Variants in TNIK observed in about 807,000 individuals in gnomAD.
TNIK encodes the protein TRAF2 and NCK-interacting protein kinase.
In TNIK, 49 loss-of-function variants were observed where a neutral mutation model predicts 191.3. The ratio of observed to expected loss-of-function variants is 0.26; its 90% CI spans 0.20 to 0.32. The LOEUF is 0.32. Ranked by LOEUF, TNIK falls within the 10% of genes least tolerant of loss-of-function variation. The probability of loss-of-function intolerance (pLI) is 1.00; values close to 1 mark genes in which losing one functional copy is unlikely to be tolerated. For missense variants in TNIK, 1,155 were observed against 1,702.3 expected (o/e 0.68, Z 5.66); for synonymous variants, 594 against 600.9 (o/e 0.99, Z 0.17).
chr3:171,359,027 G>A (rs753287331), intron 2 of TNIK, among the ~76,000 whole-genome samples: 1 of 152,178 alleles, frequency 6.6e-6, no homozygotes, highest in Non-Finnish European at 1.5e-5. Flanking sequence ...AAAAGTTCTG[G>A]AGATGGGTAG....
At chr3:171,215,949 T>C (rs1741407890) in intron 3 of TNIK, among the ~76,000 whole-genome samples, 2 of 152,142 alleles carry the variant, frequency 1.3e-5, no homozygotes, top group African/African-American at 4.8e-5. Flanking sequence ...GAGAGAAGTA[T>C]AAGGTGTATA....
intron 1 of TNIK, among the ~76,000 whole-genome samples, chr3:171,415,538 A>G (rs2108614630): frequency 6.6e-6 from 1 of 152,320 alleles, no homozygotes; most frequent in South Asian, 2.1e-4. Context: ...GAACAAAAAC[A>G]AATCTCACAA....
intron 1 of TNIK, among the ~76,000 whole-genome samples, chr3:171,377,979 C>T (rs772247712): frequency 1.3e-5 from 2 of 152,154 alleles, no homozygotes; most frequent in African/African-American, 2.4e-5. Context: ...CCTGGGGTTA[C>T]GGGGATGCTG....
Position 171,059,561 on chromosome 3 carries a change from A to G in TNIK, c.*4320T>C, listed in dbSNP as rs559699384. Among the ~76,000 whole-genome samples, 5 of 152,266 alleles carry G rather than the reference A, an allele frequency of 3.3e-5. No individual in the cohort carries two copies. In the South Asian group the frequency reaches 6.2e-4, roughly 19 times the overall value. On this transcript the variant is annotated 3_prime_UTR_variant, in exon 33 of 33. Coordinates refer to ENST00000436636, the MANE Select transcript of TNIK (RefSeq NM_015028.4). Reference sequence around the variant, plus strand: ...ACAAATTGTCAGTTTTGAACTTGCAAATTCTCAAGAGGTTTTCTTCTTTGC... The same window carrying G: ...ACAAATTGTCAGTTTTGAACTTGCAGATTCTCAAGAGGTTTTCTTCTTTGC...
At chr3:171,209,066 T>G (rs868293751) in intron 4 of TNIK, among the ~76,000 whole-genome samples, 3 of 139,824 alleles carry the variant, frequency 2.1e-5, no homozygotes, top group Admixed American at 7.1e-5. Context: ...TTGGAAGGGG[T>G]GTGTGTGTGT....
intron 2 of TNIK, among the ~76,000 whole-genome samples, chr3:171,233,300 G>C (rs1385891131): frequency 6.8e-6 from 1 of 146,462 alleles, no homozygotes; most frequent in East Asian, 1.9e-4. Flanking sequence ...AACCAGCACT[G>C]TGATTTTTTT....
Position 171,190,700 on chromosome 3 carries a change from G to A in TNIK, c.505C>T (p.Leu169=). 6.3e-7 allele frequency: 1 copy of A among 1,586,368 alleles called. No homozygotes were observed. Among genetic ancestry groups the A allele is most frequent in the Admixed American group, 1.8e-5 (1 of 56,128 alleles). Residue 169 remains leucine, a synonymous_variant, in exon 6 of 33, where the codon CTA becomes TTA. Coordinates refer to ENST00000436636, the MANE Select transcript of TNIK (RefSeq NM_015028.4). ...GCTCACAGGATTCTGCTCTTACCTA[G>A]TTTAACTTCTGCATTTTCAGTCAGC... The part of the protein sequence containing the change: ...VLLTENAEVK[L]VDFGVSAQLD...
intron 4 of TNIK, among the ~76,000 whole-genome samples, chr3:171,197,129 A>T (rs1738796220): frequency 6.6e-6 from 1 of 152,242 alleles, no homozygotes; most frequent in African/African-American, 2.4e-5. Context: ...AAAAATGCTG[A>T]AATACTTATG....
intron 18 of TNIK, among the ~76,000 whole-genome samples, chr3:171,117,612 A>G (rs1010920060): frequency 1.3e-5 from 2 of 152,154 alleles, no homozygotes; most frequent in African/African-American, 2.4e-5. Context: ...GCATTGCCCA[A>G]TAACACTTTT....
chr3:171,287,574 G>A (rs1560376685), intron 2 of TNIK, among the ~76,000 whole-genome samples: 1 of 152,098 alleles, frequency 6.6e-6, no homozygotes, highest in Non-Finnish European at 1.5e-5. Flanking sequence ...AACTTTACTG[G>A]AGATTTTACT....
chr3:171,095,417 T>C (rs1722586084), intron 22 of TNIK, among the ~76,000 whole-genome samples: 1 of 152,188 alleles, frequency 6.6e-6, no homozygotes, highest in South Asian at 2.1e-4. Context: ...ATGCGATACT[T>C]GTTGTTCTCC....
intron 7 of TNIK, among the ~76,000 whole-genome samples, chr3:171,182,580 G>T (rs1736804753): frequency 6.6e-6 from 1 of 152,180 alleles, no homozygotes; most frequent in Non-Finnish European, 1.5e-5. Context: ...CTAGCGCTAT[G>T]TGCATTACAA....
chr3:171,237,203 A>T (rs909748873), intron 2 of TNIK, among the ~76,000 whole-genome samples: 34 of 152,170 alleles, frequency 2.2e-4, no homozygotes, highest in African/African-American at 8.0e-4. Context: ...TTGGCTCTTT[A>T]TTTGGGCTGT....
Position 171,423,408 on chromosome 3 carries a change from C to A in TNIK, c.57+36599G>T, listed in dbSNP as rs549696372. Among the ~76,000 whole-genome samples, 4 of 152,162 alleles carry A rather than the reference C, an allele frequency of 2.6e-5. No homozygotes were observed. The East Asian group carries it at 7.7e-4, about 29-fold the overall frequency. On this transcript the variant is annotated intron_variant, in intron 1 of 32. Transcript: ENST00000436636. The stretch of plus-strand genomic sequence containing the variant: ...ATATCGTGAAAATGGCCATACTGCC[C>A]AAGGTAATTTATAGATTCAATGCCA...
intron 3 of TNIK, among the ~76,000 whole-genome samples, chr3:171,216,785 T>C (rs1226561578): frequency 2.0e-5 from 3 of 152,168 alleles, no homozygotes; most frequent in African/African-American, 7.2e-5. Context: ...TAACAGACTG[T>C]AATAAATTAG....
chr3:171,387,530 T>G (rs1437529713), intron 1 of TNIK, among the ~76,000 whole-genome samples: 1 of 152,230 alleles, frequency 6.6e-6, no homozygotes, highest in South Asian at 2.1e-4. Context: ...CCCTCTCATG[T>G]GCCCTTCTCA....
intron 3 of TNIK, 106 bp from the exon 4 acceptor site, chr3:171,211,347 G>A: frequency 7.8e-7 from 1 of 1,283,458 alleles, no homozygotes; most frequent in Non-Finnish European, 1.1e-6. Context: ...CTTCCTTGTT[G>A]ACAAATGAGC....
chr3:171,336,645 G>A (rs1756976783), intron 2 of TNIK, among the ~76,000 whole-genome samples: 1 of 152,162 alleles, frequency 6.6e-6, no homozygotes, highest in South Asian at 2.1e-4. Context: ...GGTAGGCAAA[G>A]TCCATTAATA....
At chr3:171,113,432 C>A (rs1038140254) in intron 18 of TNIK, among the ~76,000 whole-genome samples, 10 of 152,006 alleles carry the variant, frequency 6.6e-5, no homozygotes, top group African/African-American at 2.4e-4. Flanking sequence ...AGTGAAACCC[C>A]ATCTCTACTA....
Sources: gnomAD v4.1 joint callset for allele counts (sites outside exome capture counted in the v4.1 genomes callset) on GRCh38, gnomAD v4.1.1 for gene constraint, MANE v1.5 for transcripts, NCBI Gene and HGNC (gene_info 2026-07-23, HGNC 2026-07-21) for gene names.